The following MCU variants were observed in gnomAD, a reference collection of about 807,000 sequenced individuals.
MCU encodes mitochondrial calcium uniporter, also known as calcium uniporter protein, mitochondrial.
In MCU, 12 loss-of-function variants were observed where a neutral mutation model predicts 45.2. The ratio of observed to expected loss-of-function variants is 0.27; its 90% CI spans 0.17 to 0.43. The LOEUF is 0.43. MCU is among the 20% of genes least tolerant of loss of function. The pLI is 1.00. For synonymous variants in MCU, 160 were observed against 165.1 expected (o/e 0.97, Z 0.24); for missense variants, 324 against 436.7 (o/e 0.74, Z 2.30).
At chr10:72,735,790 G>C (rs997970803) in intron 1 of MCU, among the ~76,000 whole-genome samples, 3 of 152,164 alleles carry the variant, frequency 2.0e-5, no homozygotes, top group Non-Finnish European at 4.4e-5. Context: ...TTGGGTACAG[G>C]AGTGGAGAAG....
chr10:72,745,946 A>G (rs1456200521), intron 1 of MCU, among the ~76,000 whole-genome samples: 1 of 152,146 alleles, frequency 6.6e-6, no homozygotes, highest in Non-Finnish European at 1.5e-5. Flanking sequence ...CATTACCACT[A>G]TCCACCTCCA....
chr10:72,858,377 G>A (rs1845325521), intron 2 of MCU, among the ~76,000 whole-genome samples: 1 of 152,130 alleles, frequency 6.6e-6, no homozygotes, highest in African/African-American at 2.4e-5. Context: ...CCCTCACTGC[G>A]CATTCTCTGT....
At chr10:72,754,746 G>A (rs758257195) in intron 1 of MCU, among the ~76,000 whole-genome samples, 3 of 152,148 alleles carry the variant, frequency 2.0e-5, no homozygotes, top group Admixed American at 6.5e-5. Flanking sequence ...TTACAGGCAT[G>A]AGCAGCCCAG....
At chr10:72,860,656 A>G (rs1480937940) in intron 4 of MCU, 129 bp downstream of exon 4, 6 of 658,136 alleles carry the variant, frequency 9.1e-6, no homozygotes, top group East Asian at 8.3e-5. Flanking sequence ...TTATATACAG[A>G]TAGACACTAT....
intron 1 of MCU, among the ~76,000 whole-genome samples, chr10:72,760,248 A>G (rs1843635953): frequency 1.3e-5 from 2 of 152,024 alleles, no homozygotes. Context: ...ACAATGTCTC[A>G]CTATATTGCT....
chr10:72,865,389 G>A (rs2132876704), intron 4 of MCU, among the ~76,000 whole-genome samples: 1 of 152,300 alleles, frequency 6.6e-6, no homozygotes, highest in South Asian at 2.1e-4. Flanking sequence ...CAGCATTGGT[G>A]TAGAATTTCA....
chr10:72,829,122 A>G (rs1016571008), intron 1 of MCU, among the ~76,000 whole-genome samples: 3 of 152,120 alleles, frequency 2.0e-5, no homozygotes, highest in Non-Finnish European at 4.4e-5. Context: ...GGAGTTCGAG[A>G]CCAGCCAGGC....
At chr10:72,751,597 C>G (rs561242636) in intron 1 of MCU, among the ~76,000 whole-genome samples, 1 of 151,736 alleles carries the variant, frequency 6.6e-6, no homozygotes, top group Non-Finnish European at 1.5e-5. Context: ...CTCAAGTGAT[C>G]CGCCCACCTT....
intron 1 of MCU, among the ~76,000 whole-genome samples, chr10:72,755,961 C>T (rs1321278663): frequency 1.3e-5 from 2 of 151,906 alleles, no homozygotes; most frequent in South Asian, 2.1e-4. Flanking sequence ...CTCCCACCTC[C>T]GCCTCCTGAG....
chr10:72,850,346 C>T (rs1477831716), intron 2 of MCU, among the ~76,000 whole-genome samples: 1 of 151,910 alleles, frequency 6.6e-6, no homozygotes, highest in Non-Finnish European at 1.5e-5. Flanking sequence ...GATCATAAGC[C>T]CCTGAAATCA....
At chr10:72,717,715 A>G (rs1208415634) in intron 1 of MCU, among the ~76,000 whole-genome samples, 3 of 152,210 alleles carry the variant, frequency 2.0e-5, no homozygotes, top group East Asian at 1.9e-4. Flanking sequence ...TCATATATCT[A>G]TGTATCTAAG....
At chr10:72,880,440 A>G (rs1447116771) in intron 6 of MCU, among the ~76,000 whole-genome samples, 1 of 150,948 alleles carries the variant, frequency 6.6e-6, no homozygotes, top group Non-Finnish European at 1.5e-5. Context: ...CCTTAAAATT[A>G]CTTTTAAAAA....
At chr10:72,810,324 A>G (rs1844520630) in intron 1 of MCU, among the ~76,000 whole-genome samples, 1 of 152,046 alleles carries the variant, frequency 6.6e-6, no homozygotes. Context: ...ATAAGAGGTG[A>G]CGTCTTTGAC....
intron 2 of MCU, among the ~76,000 whole-genome samples, chr10:72,855,704 G>A (rs982452674): frequency 6.6e-6 from 1 of 151,800 alleles, no homozygotes; most frequent in Non-Finnish European, 1.5e-5. Flanking sequence ...AGAACAGTAG[G>A]GTCAAAAAGA....
At chr10:72,703,300 AAGTTACCCACTG>A (rs1842780973) in intron 1 of MCU, among the ~76,000 whole-genome samples, 1 of 152,230 alleles carries the variant, frequency 6.6e-6, no homozygotes, top group East Asian at 1.9e-4. Context: ...TAGTGAAACT[AAGTTACCCACTG>A]AGTTAAATGA....
At chr10:72,776,584 A>G (rs1415931982) in intron 1 of MCU, among the ~76,000 whole-genome samples, 1 of 152,236 alleles carries the variant, frequency 6.6e-6, no homozygotes, top group African/African-American at 2.4e-5. Flanking sequence ...AATAAAGGCC[A>G]TAAATGACAA....
chr10:72,743,373 A>G (rs1353820225), intron 1 of MCU, among the ~76,000 whole-genome samples: 2 of 139,688 alleles, frequency 1.4e-5, no homozygotes, highest in Admixed American at 8.4e-5. Context: ...ATATTGTGCC[A>G]CTACACTCCA....
chr10:72,871,594 T>C lies in MCU; in HGVS notation c.861+14T>C, dbSNP rs749449325. On this transcript the variant is annotated intron_variant, in intron 6 of 7. Transcript: ENST00000373053. ...ATGACACGCCAGGTAAGAATTCTCT[T>C]CAAGTAACTTTTTATGAGATAGTAA... 19 of 1,604,060 alleles carry C rather than the reference T, an allele frequency of 1.2e-5. No homozygotes were observed. The East Asian group carries it at 4.2e-4, about 36-fold the overall frequency.
intron 2 of MCU, among the ~76,000 whole-genome samples, chr10:72,854,699 C>G (rs1226725584): frequency 5.9e-5 from 9 of 152,212 alleles, no homozygotes; most frequent in Admixed American, 1.3e-4. Flanking sequence ...TGGTACCAGT[C>G]TGTGGCCTGG....
Sources: gnomAD v4.1 joint callset for allele counts (sites outside exome capture counted in the v4.1 genomes callset) on GRCh38, gnomAD v4.1.1 for gene constraint, MANE v1.5 for transcripts, NCBI Gene and HGNC (gene_info 2026-07-23, HGNC 2026-07-21) for gene names.